Variants in GALNT17 observed in about 807,000 individuals in gnomAD.
GALNT17 encodes polypeptide N-acetylgalactosaminyltransferase 17.
GALNT17 carries 29 observed loss-of-function variants against 63.7 expected under a neutral mutation model. That is an observed-to-expected ratio of 0.46 (90% CI 0.34 to 0.62). The LOEUF is 0.62. Ranked by LOEUF, GALNT17 falls within the 20% of genes least tolerant of loss-of-function variation. GALNT17 has a pLI of 0.01. For synonymous variants in GALNT17, 305 were observed against 318.3 expected (o/e 0.96, Z 0.45); for missense variants, 603 against 799.6 (o/e 0.75, Z 2.97).
At chr7:71,603,201 C>A (rs1303915158) in intron 6 of GALNT17, among the ~76,000 whole-genome samples, 1 of 151,202 alleles carries the variant, frequency 6.6e-6, no homozygotes, top group South Asian at 2.1e-4. Context: ...ATGCTAAGTG[C>A]ATATACTAGA....
intron 5 of GALNT17, among the ~76,000 whole-genome samples, chr7:71,422,808 T>A (rs926072023): frequency 3.3e-5 from 5 of 152,222 alleles, no homozygotes; most frequent in African/African-American, 1.2e-4. Context: ...TGCCCTAGTG[T>A]GTCAGAAAAA....
At chr7:71,519,764 T>C (rs1446097697) in intron 5 of GALNT17, among the ~76,000 whole-genome samples, 1 of 152,162 alleles carries the variant, frequency 6.6e-6, no homozygotes, top group Non-Finnish European at 1.5e-5. Context: ...GTGCCCAGCC[T>C]AGTATTTTAA....
chr7:71,687,087 T>G (rs1791371037), intron 9 of GALNT17, among the ~76,000 whole-genome samples: 1 of 152,094 alleles, frequency 6.6e-6, no homozygotes, highest in African/African-American at 2.4e-5. Flanking sequence ...CCTTTCTGAT[T>G]CAGTAGGCTC....
chr7:71,378,385 A>T (rs1010176869), intron 2 of GALNT17, among the ~76,000 whole-genome samples: 1 of 152,134 alleles, frequency 6.6e-6, no homozygotes, highest in African/African-American at 2.4e-5. Context: ...CTTTCCCGAG[A>T]TTATAGGGAA....
At chr7:71,636,718 C>A (rs1405056720) in intron 6 of GALNT17, among the ~76,000 whole-genome samples, 1 of 152,184 alleles carries the variant, frequency 6.6e-6, no homozygotes, top group African/African-American at 2.4e-5. Flanking sequence ...ATAGTGACAA[C>A]TCTGTGTGCC....
At chr7:71,381,576 C>T (rs1180162965) in intron 2 of GALNT17, among the ~76,000 whole-genome samples, 19 of 152,000 alleles carry the variant, frequency 1.3e-4, no homozygotes, top group Admixed American at 7.2e-4. Flanking sequence ...GTCAGGAGTT[C>T]GAGACCAGCC....
intron 2 of GALNT17, among the ~76,000 whole-genome samples, chr7:71,387,254 G>C (rs1040034305): frequency 2.5e-4 from 35 of 140,654 alleles, no homozygotes; most frequent in Admixed American, 2.5e-3. Context: ...ACTTTTAATG[G>C]CATTAAAAGT....
At chr7:71,399,715 C>T (rs1016838781) in intron 3 of GALNT17, among the ~76,000 whole-genome samples, 6 of 152,080 alleles carry the variant, frequency 3.9e-5, no homozygotes, top group Non-Finnish European at 8.8e-5. Flanking sequence ...AAACTGTCTT[C>T]CAGGTATGTG....
At chr7:71,560,177 G>T (rs1417939269) in intron 5 of GALNT17, among the ~76,000 whole-genome samples, 1 of 120,176 alleles carries the variant, frequency 8.3e-6, no homozygotes. Context: ...CCAGGGGACA[G>T]AGTGAGACTC....
At chr7:71,147,485 T>C (rs1268838173) in intron 1 of GALNT17, among the ~76,000 whole-genome samples, 1 of 152,182 alleles carries the variant, frequency 6.6e-6, no homozygotes, top group African/African-American at 2.4e-5. Context: ...CCCAGCCCAC[T>C]GACTCGAATG....
chr7:71,639,796 G>C lies in GALNT17; in HGVS notation c.1081-25615G>C, dbSNP rs556342751. Among the ~76,000 whole-genome samples, 17 of 152,308 alleles carry C rather than the reference G, an allele frequency of 1.1e-4. No individual in the cohort carries two copies. In the South Asian group the frequency reaches 3.5e-3, roughly 32 times the overall value. On this transcript the variant is annotated intron_variant, in intron 6 of 10. Transcript: ENST00000333538. ...GCATTGTTCTTGGTTGCAACTTGGA[G>C]ATTTCCATTATTGCTTTGGCTGTTG... is the stretch of plus-strand genomic sequence containing the variant.
At chr7:71,200,230 C>T (rs988665491) in intron 1 of GALNT17, among the ~76,000 whole-genome samples, 5 of 152,080 alleles carry the variant, frequency 3.3e-5, no homozygotes, top group Non-Finnish European at 5.9e-5. Context: ...CTTGAAAGCC[C>T]CATGTCTTTA....
intron 9 of GALNT17, among the ~76,000 whole-genome samples, chr7:71,682,373 A>C (rs1342260235): frequency 6.6e-6 from 1 of 150,746 alleles, no homozygotes; most frequent in Non-Finnish European, 1.5e-5. Context: ...CTACACCTCC[A>C]GACATAGTCT....
At chr7:71,597,763 C>A (rs982834857) in intron 6 of GALNT17, among the ~76,000 whole-genome samples, 1 of 151,960 alleles carries the variant, frequency 6.6e-6, no homozygotes, top group Non-Finnish European at 1.5e-5. Flanking sequence ...GGGACTGGCC[C>A]CATCTCTGGG....
At chr7:71,209,385 C>G (rs1026821649) in intron 1 of GALNT17, among the ~76,000 whole-genome samples, 1 of 152,150 alleles carries the variant, frequency 6.6e-6, no homozygotes, top group Admixed American at 6.6e-5. Flanking sequence ...CACAAAAACT[C>G]TTAATTATGT....
intron 5 of GALNT17, among the ~76,000 whole-genome samples, chr7:71,471,882 G>A (rs987569139): frequency 1.3e-5 from 2 of 151,458 alleles, no homozygotes; most frequent in South Asian, 4.2e-4. Context: ...ATTTCCCTAA[G>A]CAGGTACATT....
chr7:71,274,950 G>C (rs1790657085), intron 1 of GALNT17, among the ~76,000 whole-genome samples: 1 of 152,208 alleles, frequency 6.6e-6, no homozygotes, highest in Non-Finnish European at 1.5e-5. Flanking sequence ...TGGCCCTGGG[G>C]GGTCGAAAGG....
chr7:71,165,822 T>C (rs1210259649), intron 1 of GALNT17, among the ~76,000 whole-genome samples: 1 of 152,180 alleles, frequency 6.6e-6, no homozygotes, highest in Non-Finnish European at 1.5e-5. Flanking sequence ...GGAGTTCAGG[T>C]CAAGCTAGTT....
At chr7:71,324,016 A>T (rs1356521595) in intron 1 of GALNT17, among the ~76,000 whole-genome samples, 3 of 152,178 alleles carry the variant, frequency 2.0e-5, no homozygotes, top group Non-Finnish European at 4.4e-5. Context: ...AGCAGGGAAG[A>T]CTGGCAGTGG....
Sources: allele counts gnomAD v4.1 joint callset (sites outside exome capture counted in the v4.1 genomes callset), GRCh38; gene constraint gnomAD v4.1.1; transcripts MANE v1.5; gene names NCBI Gene and HGNC (gene_info 2026-07-23, HGNC 2026-07-21).